Variants in STARD9 observed in about 807,000 individuals in gnomAD.
STARD9 encodes stAR-related lipid transfer protein 9.
In STARD9, 346 loss-of-function variants were observed where a neutral mutation model predicts 399.8. That is an observed-to-expected ratio of 0.87 (90% CI 0.79 to 0.95). The LOEUF (loss-of-function observed/expected upper bound fraction) is 0.95, where lower values mean the gene tolerates loss of function less well. Ranked by LOEUF, STARD9 falls within the 40% of genes least tolerant of loss-of-function variation. STARD9 has a pLI of 0.00. For synonymous variants in STARD9, 2,203 were observed against 2,143.5 expected, an observed-to-expected ratio of 1.03 and a Z score of -0.77; for missense variants, 5,832 against 5,667.5, an observed-to-expected ratio of 1.03 and a Z score of -0.93.
At chr15:42,598,002 G>A (rs868199050) in intron 3 of STARD9, among the ~76,000 whole-genome samples, 125 of 113,440 alleles carry the variant, frequency 1.1e-3, no homozygotes, top group African/African-American at 4.6e-3. Flanking sequence ...ATATATATAT[G>A]TGTGTGTGTG....
Position 42,575,687 on chromosome 15 carries a change from A to AC in STARD9, c.-26dup. On this transcript the variant is annotated 5_prime_UTR_variant, in exon 1 of 33. Coordinates refer to ENST00000290607, the MANE Select transcript of STARD9 (RefSeq NM_020759.3). ...GGCCTGGGATGCTGCCGCTGAGCTG[A>AC]CCCGCTGGACTTGGGTTGTGGCAGA... 2.0e-6 allele frequency: 3 copies of AC among 1,535,970 alleles called. No individual in the cohort carries two copies. The South Asian group carries it at 3.6e-5, about 18-fold the overall frequency.
chr15:42,640,818 CA>C (rs34006967), intron 7 of STARD9, among the ~76,000 whole-genome samples: 1 of 83,620 alleles, frequency 1.2e-5, no homozygotes, highest in African/African-American at 5.0e-5. Flanking sequence ...GACTCCGTCT[CA>C]AAAAAAAAAA....
At chr15:42,598,190 C>T (rs2058554351) in intron 3 of STARD9, among the ~76,000 whole-genome samples, 1 of 151,612 alleles carries the variant, frequency 6.6e-6, no homozygotes, top group Non-Finnish European at 1.5e-5. Context: ...TGCCACCACG[C>T]CTGGCTAATT....
intron 26 of STARD9, among the ~76,000 whole-genome samples, chr15:42,714,304 G>A (rs1351694501): frequency 6.6e-6 from 1 of 152,018 alleles, no homozygotes; most frequent in Non-Finnish European, 1.5e-5. Context: ...CTGACCTCGT[G>A]ATCCACCCGC....
intron 3 of STARD9, among the ~76,000 whole-genome samples, chr15:42,620,401 A>C (rs2059064953): frequency 6.6e-6 from 1 of 151,644 alleles, no homozygotes; most frequent in Non-Finnish European, 1.5e-5. Context: ...GGGTTGTTTG[A>C]GCCTGGGAGG....
intron 3 of STARD9, among the ~76,000 whole-genome samples, chr15:42,600,050 T>C (rs1238855436): frequency 6.6e-6 from 1 of 152,128 alleles, no homozygotes; most frequent in African/African-American, 2.4e-5. Context: ...TTTGAGGGGA[T>C]CAGGTGGTGC....
At chr15:42,664,075 CCTT>C (rs1175529480) in intron 13 of STARD9, among the ~76,000 whole-genome samples, 158 bp downstream of exon 13, 2 of 152,138 alleles carry the variant, frequency 1.3e-5, no homozygotes, top group South Asian at 2.1e-4. Context: ...ACTGTCATCT[CCTT>C]CTTTCCTATC....
Position 42,652,581 on chromosome 15 carries a change from C to A in STARD9, c.691C>A (p.His231Asn). Residue 231 changes from histidine (H) to asparagine (N), a missense_variant, in exon 9 of 33, where the codon CAC (histidine) becomes AAC (asparagine). Transcript: ENST00000290607. ...CAGATCCCACGCCATTTTCACGATCCACTACACGCAGGTTGGTAACTCCTT... is the reference window on the plus strand; with the variant it reads ...CAGATCCCACGCCATTTTCACGATCAACTACACGCAGGTTGGTAACTCCTT... ...SSRSHAIFTI[H>N]YTQAILENNL... is the part of the protein sequence containing the mutation. 1 of 1,536,746 alleles carries A rather than the reference C, an allele frequency of 6.5e-7. No individual in the cohort carries two copies.
intron 3 of STARD9, among the ~76,000 whole-genome samples, chr15:42,607,624 TTAATA>T (rs2058758877): frequency 6.8e-6 from 1 of 147,060 alleles, no homozygotes. Flanking sequence ...TAGGAGAATC[TTAATA>T]TATTATACAC....
rs79365604 is a variant in STARD9 at position 42,684,242 on chromosome 15, G to A, written c.2664G>A (p.Gly888=). ...CTGCTTCCTACCCTGCAAGGACAGGGTGCCTCCGCAAGAACGGCCTGCATT... is the reference window on the plus strand; with the variant it reads ...CTGCTTCCTACCCTGCAAGGACAGGATGCCTCCGCAAGAACGGCCTGCATT... ...PQAASYPART[G]CLRKNGLHSS... Residue 888 remains glycine (G), a synonymous_variant, in exon 23 of 33, where the codon GGG becomes GGA. Transcript: ENST00000290607. 7.0e-3 allele frequency: 10,703 copies of A among 1,537,278 alleles called. 54 individuals are homozygous for A. Among genetic ancestry groups the A allele is most frequent in the Admixed American group, 8.6e-3 (441 of 51,004 alleles).
intron 26 of STARD9, among the ~76,000 whole-genome samples, chr15:42,699,853 C>T (rs1161968044): frequency 6.6e-6 from 1 of 151,972 alleles, no homozygotes; most frequent in African/African-American, 2.4e-5. Context: ...ATTACAAGCG[C>T]CCACCACCAC....
chr15:42,580,500 G>A (rs1428326204), intron 1 of STARD9, among the ~76,000 whole-genome samples: 1 of 152,102 alleles, frequency 6.6e-6, no homozygotes, highest in Non-Finnish European at 1.5e-5. Context: ...AAAAATGAGG[G>A]GTATGAGGGT....
At chr15:42,654,441 CAA>C (rs1488871251) in intron 9 of STARD9, among the ~76,000 whole-genome samples, 2 of 151,868 alleles carry the variant, frequency 1.3e-5, no homozygotes, top group African/African-American at 4.8e-5. Context: ...AGTAATGAGA[CAA>C]GAGAAAGAAA....
chr15:42,581,657 C>G lies in STARD9; in HGVS notation c.48-1689C>G, dbSNP rs550215719. On this transcript the variant is annotated intron_variant, in intron 1 of 32. Transcript: ENST00000290607. ...CTGCCGCCAGCCGATCCTCGGGCCT[C>G]GCCAGCAGCCTCAGCAGCAGCAGCA... is the stretch of plus-strand genomic sequence containing the variant. Among the ~76,000 whole-genome samples, 26 of 137,352 alleles carry G rather than the reference C, an allele frequency of 1.9e-4. No individual in the cohort carries two copies. The South Asian group carries it at 5.8e-3, about 31-fold the overall frequency. The allele number at this position is 137,352 out of a possible 152,430, so 90.1% of individuals were successfully genotyped here. A position where few individuals can be genotyped will look rare whatever the true frequency, so the allele number is the denominator to read the frequency against.
intron 3 of STARD9, among the ~76,000 whole-genome samples, chr15:42,591,822 C>T (rs920259954): frequency 6.6e-6 from 1 of 152,190 alleles, no homozygotes; most frequent in African/African-American, 2.4e-5. Flanking sequence ...TACTGAGAAG[C>T]AGCTTTATTT....
rs567977884 is a variant in STARD9, at chr15:42,674,596, C to T, written c.1549+105C>T. ...GCTCTGAGAAGAAGGGAATCATTGG[C>T]GTATTCAGGGCCTGCTTCTCTTTCT... On this transcript the variant is annotated intron_variant, in intron 17 of 32. Transcript: ENST00000290607. 43 of 1,247,846 alleles carry T rather than the reference C, an allele frequency of 3.4e-5. No homozygotes were observed. The African/African-American group carries it at 4.5e-4, about 13-fold the overall frequency. The allele number at this position is 1,247,846 out of a possible 1,614,324, so 77.3% of individuals were successfully genotyped here.
rs181154175 is a variant in STARD9 at position 42,695,837 on chromosome 15, G to A, written c.13241G>A (p.Ser4414Asn). 710 of 1,537,214 alleles carry A rather than the reference G, an allele frequency of 4.6e-4. 3 individuals carry two copies. In the African/African-American group the frequency reaches 9.0e-3, roughly 20 times the overall value. Residue 4414 changes from serine (S) to asparagine (N), a missense_variant, in exon 26 of 33, where the codon AGC becomes AAC. Ser to Asn is a conservative substitution (Grantham distance 46). This residue lies in a region of STARD9 where 5,828 missense variants were observed against 5,651.1 expected (regional missense o/e 1.03). Transcript: ENST00000290607. ...TCTGGCATGACCTCTGGCTATAATA[G>A]CAGCCCAGCCTTGTCAGGCCAGCTC... The part of the protein sequence containing the change: ...LSSGMTSGYN[S>N]SPALSGQLQF...
intron 1 of STARD9, chr15:42,581,142 A>G (rs2058159997): frequency 2.7e-6 from 2 of 743,468 alleles, no homozygotes; most frequent in East Asian, 2.5e-5. Flanking sequence ...CCCATCTCCA[A>G]CTGAGCATCA....
intron 26 of STARD9, among the ~76,000 whole-genome samples, chr15:42,708,424 G>C (rs192758705): frequency 6.6e-6 from 1 of 152,192 alleles, no homozygotes; most frequent in Admixed American, 6.5e-5. Flanking sequence ...GTGGCAGAGA[G>C]TTGAGTAGCT....
Sources: gnomAD v4.1 joint callset for allele counts (sites outside exome capture counted in the v4.1 genomes callset) on GRCh38, gnomAD v4.1.1 for gene constraint, gnomAD v4.1.1 regional missense constraint, MANE v1.5 for transcripts, NCBI Gene and HGNC (gene_info 2026-07-23, HGNC 2026-07-21) for gene names.